Variants in AGBL1 observed in about 807,000 individuals in gnomAD.
The protein encoded by AGBL1 is cytosolic carboxypeptidase 4.
Under a neutral mutation model 118.9 loss-of-function variants are expected in AGBL1, and 130 were observed. The observed-to-expected ratio is 1.09, with a 90% CI of 0.95 to 1.26. The LOEUF (loss-of-function observed/expected upper bound fraction) is 1.26, where lower values mean the gene tolerates loss of function less well. Among genes scored for constraint, AGBL1 ranks in the 50% most tolerant of loss-of-function variants. AGBL1 has a pLI of 0.00. For missense variants in AGBL1, 1,584 were observed against 1,298.1 expected, an observed-to-expected ratio of 1.22 and a Z score of -3.38; for synonymous variants, 555 against 478.9, an observed-to-expected ratio of 1.16 and a Z score of -2.08.
At chr15:86,154,653 A>G in intron 4 of AGBL1, 92 bp downstream of exon 4, 13 of 1,431,498 alleles carry the variant, frequency 9.1e-6, no homozygotes, top group South Asian at 2.9e-5. Flanking sequence ...GAAGAAAAGC[A>G]TGGGTGAGAG....
At chr15:86,303,240 G>C (rs1034910977) in intron 17 of AGBL1, among the ~76,000 whole-genome samples, 6 of 152,150 alleles carry the variant, frequency 3.9e-5, no homozygotes, top group Non-Finnish European at 8.8e-5. Context: ...AGATTGTAAA[G>C]GGCTTAGAAG....
At chr15:86,869,016 G>A (rs997748266) in intron 22 of AGBL1, among the ~76,000 whole-genome samples, 15 of 152,166 alleles carry the variant, frequency 9.9e-5, no homozygotes, top group African/African-American at 3.6e-4. Context: ...ACCAAGCAAA[G>A]GCATCATTTT....
At chr15:86,760,696 C>T (rs1042318796) in intron 22 of AGBL1, among the ~76,000 whole-genome samples, 1 of 152,048 alleles carries the variant, frequency 6.6e-6, no homozygotes, top group East Asian at 1.9e-4. Flanking sequence ...GATTTCTTTC[C>T]TTTGGCAGTG....
intron 1 of AGBL1, among the ~76,000 whole-genome samples, chr15:86,099,808 T>C (rs1025655480): frequency 6.6e-6 from 1 of 152,098 alleles, no homozygotes; most frequent in South Asian, 2.1e-4. Context: ...TCATGCCTGG[T>C]TCCAATTAGA....
intron 24 of AGBL1, among the ~76,000 whole-genome samples, chr15:86,997,713 G>T (rs1413073225): frequency 6.6e-6 from 1 of 152,010 alleles, no homozygotes; most frequent in East Asian, 1.9e-4. Context: ...CACAGAGAGA[G>T]CCATTAAGCA....
At chr15:87,009,018 T>A (rs1049603881) in intron 24 of AGBL1, among the ~76,000 whole-genome samples, 1 of 152,184 alleles carries the variant, frequency 6.6e-6, no homozygotes, top group Admixed American at 6.5e-5. Flanking sequence ...AAAATCCTAT[T>A]TTCTGAGGAA....
chr15:86,838,211 T>G (rs2079194964), intron 22 of AGBL1, among the ~76,000 whole-genome samples: 1 of 152,168 alleles, frequency 6.6e-6, no homozygotes, highest in Non-Finnish European at 1.5e-5. Flanking sequence ...TTTATATTTT[T>G]CCTTTGAAAG....
chr15:86,725,066 T>G (rs553957113), intron 22 of AGBL1, among the ~76,000 whole-genome samples: 1 of 152,308 alleles, frequency 6.6e-6, no homozygotes, highest in Admixed American at 6.5e-5. Context: ...AGCCACTGTT[T>G]GTGAGGGATG....
intron 6 of AGBL1, among the ~76,000 whole-genome samples, chr15:86,237,681 A>G (rs72752183): frequency 0.27 from 41,447 of 151,976 alleles, 6,690 homozygotes; most frequent in Admixed American, 0.38. Flanking sequence ...TGGATGGATA[A>G]AAAAACTCCT....
chr15:86,753,652 C>A (rs2077890221), intron 22 of AGBL1, among the ~76,000 whole-genome samples: 1 of 152,072 alleles, frequency 6.6e-6, no homozygotes, highest in African/African-American at 2.4e-5. Context: ...CCCACCTTGG[C>A]CTCCCAAAGT....
At chr15:87,016,308 T>C (rs28650218) in intron 24 of AGBL1, among the ~76,000 whole-genome samples, 11,324 of 152,180 alleles carry the variant, frequency 0.074, 1,428 homozygotes, top group African/African-American at 0.26. Flanking sequence ...ACTGCTATAA[T>C]AGAGACAAGA....
chr15:86,366,705 T>C (rs905418541), intron 17 of AGBL1, among the ~76,000 whole-genome samples: 2 of 152,220 alleles, frequency 1.3e-5, no homozygotes, highest in Admixed American at 6.5e-5. Flanking sequence ...AAACAAGTTA[T>C]GCCAGAAGCA....
intron 19 of AGBL1, among the ~76,000 whole-genome samples, chr15:86,538,119 C>G (rs2083450167): frequency 6.6e-6 from 1 of 152,166 alleles, no homozygotes; most frequent in African/African-American, 2.4e-5. Context: ...GTTATTGATA[C>G]ATTCTATTGA....
intron 23 of AGBL1, among the ~76,000 whole-genome samples, chr15:86,961,295 T>C (rs1193166217): frequency 6.6e-6 from 1 of 151,950 alleles, no homozygotes; most frequent in Non-Finnish European, 1.5e-5. Context: ...CTTATAAATC[T>C]ACCCAGGCTT....
Position 86,915,603 on chromosome 15 carries a change from T to G in AGBL1, c.*8309T>G, listed in dbSNP as rs1013499943. The G allele has an allele frequency of 2.0e-5, 3 of 152,180 alleles. No individual in the cohort carries two copies. Among genetic ancestry groups the G allele is most frequent in the Non-Finnish European group, 4.4e-5 (3 of 68,054 alleles). 9.4% of individuals were successfully genotyped at this position (152,180 alleles called of 1,614,324 possible). A position where few individuals can be genotyped will look rare whatever the true frequency, so the allele number is the denominator to read the frequency against. The stretch of plus-strand genomic sequence containing the variant: ...AAACCCAGTCACAGCTTTTGTTGTA[T>G]GGCATTGCCTGTGGACTTTGCTGTC... On this transcript the variant is annotated 3_prime_UTR_variant, in exon 23 of 23. Transcript: ENST00000614907.
chr15:86,402,307 T>C (rs2081460672), intron 18 of AGBL1, among the ~76,000 whole-genome samples: 1 of 152,120 alleles, frequency 6.6e-6, no homozygotes, highest in Admixed American at 6.6e-5. Flanking sequence ...ATTGATTTTG[T>C]ATCCTGAAAC....
chr15:86,473,143 C>T (rs946267005), intron 18 of AGBL1, among the ~76,000 whole-genome samples: 1 of 152,054 alleles, frequency 6.6e-6, no homozygotes, highest in African/African-American at 2.4e-5. Flanking sequence ...AATTTTGTAG[C>T]ATTTAGGTTT....
intron 18 of AGBL1, among the ~76,000 whole-genome samples, chr15:86,457,360 G>C (rs1412335060): frequency 6.6e-6 from 1 of 152,130 alleles, no homozygotes; most frequent in Non-Finnish European, 1.5e-5. Context: ...CTAGTAAAGA[G>C]GAGTTTCACT....
intron 17 of AGBL1, among the ~76,000 whole-genome samples, chr15:86,373,186 T>C (rs892481252): frequency 8.5e-5 from 13 of 152,174 alleles, no homozygotes; most frequent in Non-Finnish European, 1.5e-4. Flanking sequence ...CAACATATCC[T>C]TAGGAAAAGG....
Sources: gnomAD v4.1 joint callset for allele counts (sites outside exome capture counted in the v4.1 genomes callset) on GRCh38, gnomAD v4.1.1 for gene constraint, MANE v1.5 for transcripts, NCBI Gene and HGNC (gene_info 2026-07-23, HGNC 2026-07-21) for gene names.